TAOK3: variants seen among roughly 807,000 people sequenced by gnomAD.
TAOK3 encodes the protein serine/threonine-protein kinase TAO3.
A neutral mutation model predicts 120.4 loss-of-function variants in TAOK3; 40 were observed. That is an observed-to-expected ratio of 0.33 (90% CI 0.26 to 0.43). TAOK3 has a LOEUF of 0.43. Among genes scored for constraint, TAOK3 ranks in the 20% least tolerant of loss-of-function variants. TAOK3 has a pLI of 1.00. For synonymous variants in TAOK3, 355 were observed against 387.5 expected (o/e 0.92, Z 0.99); for missense variants, 821 against 1,112.1 (o/e 0.74, Z 3.72).
chr12:118,172,357 G>T, intron 17 of TAOK3, 100 bp downstream of exon 17: 1 of 1,299,986 alleles, frequency 7.7e-7, no homozygotes, highest in Non-Finnish European at 1.1e-6. Flanking sequence ...AGGCTAGAAA[G>T]GCTAGGGATA....
Position 118,218,022 on chromosome 12 carries a change from G to T in TAOK3, c.644-3912C>A, listed in dbSNP as rs918236460. Among the ~76,000 whole-genome samples, 4 of 150,330 alleles carry T rather than the reference G, an allele frequency of 2.7e-5. No individual in the cohort carries two copies. The East Asian group carries it at 7.9e-4, about 30-fold the overall frequency. Reference sequence around the variant, plus strand: ...CTACAGGCGCATGCCACCACGCCTCGCTAATTTTTTTGTATTTTTAGTAGA... The same window carrying T: ...CTACAGGCGCATGCCACCACGCCTCTCTAATTTTTTTGTATTTTTAGTAGA... On this transcript the variant is annotated intron_variant, in intron 9 of 20. Transcript: ENST00000392533.
intron 9 of TAOK3, among the ~76,000 whole-genome samples, chr12:118,232,762 A>T (rs1236214481): frequency 6.6e-6 from 1 of 152,064 alleles, no homozygotes; most frequent in Non-Finnish European, 1.5e-5. Flanking sequence ...AAAATTAGCC[A>T]GCCTTGGTGG....
chr12:118,300,895 A>C (rs494005), intron 1 of TAOK3, among the ~76,000 whole-genome samples: 79,229 of 151,674 alleles, frequency 0.52, 21,150 homozygotes, highest in Middle Eastern at 0.63. Context: ...CCTGCCTCAG[A>C]CTCTCAAGTA....
chr12:118,200,493 C>T (rs1349105449), intron 12 of TAOK3: 1 of 152,092 alleles, frequency 6.6e-6, no homozygotes, highest in Non-Finnish European at 1.5e-5. Flanking sequence ...TTTTTCCTGT[C>T]TCCCTCTTAT....
chr12:118,205,489 T>A (rs12314873), intron 11 of TAOK3, among the ~76,000 whole-genome samples: 1,723 of 152,222 alleles, frequency 0.011, 29 homozygotes, highest in African/African-American at 0.039. Context: ...GCTTTAAAAA[T>A]TTTTTTCTGC....
At chr12:118,293,528 A>C (rs2042560105) in intron 1 of TAOK3, among the ~76,000 whole-genome samples, 1 of 152,056 alleles carries the variant, frequency 6.6e-6, no homozygotes, top group South Asian at 2.1e-4. Context: ...ATAAAAAATT[A>C]GCTGGGCGTG....
chr12:118,325,980 T>A (rs2043921272), intron 1 of TAOK3, among the ~76,000 whole-genome samples: 1 of 152,182 alleles, frequency 6.6e-6, no homozygotes, highest in Non-Finnish European at 1.5e-5. Context: ...GCACCCAGCC[T>A]GTCTCTTCAC....
intron 17 of TAOK3, among the ~76,000 whole-genome samples, chr12:118,171,695 T>A (rs1202912853): frequency 6.6e-6 from 1 of 152,202 alleles, no homozygotes; most frequent in Non-Finnish European, 1.5e-5. Context: ...TGTCTCATCA[T>A]GTCATTACCC....
intron 1 of TAOK3, among the ~76,000 whole-genome samples, chr12:118,280,624 GTAA>G (rs1395722291): frequency 6.6e-6 from 1 of 152,176 alleles, no homozygotes. Context: ...CTCGTAACAG[GTAA>G]TGTGATGCTT....
intron 1 of TAOK3, among the ~76,000 whole-genome samples, chr12:118,344,432 C>G (rs551662615): frequency 1.3e-5 from 2 of 152,058 alleles, no homozygotes; most frequent in African/African-American, 2.4e-5. Flanking sequence ...TCTTGCCTGG[C>G]TCACAGGGGA....
At chr12:118,207,557 T>C (rs2038390509) in intron 11 of TAOK3, among the ~76,000 whole-genome samples, 1 of 151,696 alleles carries the variant, frequency 6.6e-6, no homozygotes, top group African/African-American at 2.4e-5. Context: ...AGAGACTGAA[T>C]TAAAACGATT....
intron 2 of TAOK3, among the ~76,000 whole-genome samples, chr12:118,259,821 G>T (rs893252049): frequency 1.3e-5 from 2 of 152,118 alleles, no homozygotes; most frequent in African/African-American, 4.8e-5. Flanking sequence ...GTGTCAAATA[G>T]AAGAGAGCAG....
At chr12:118,177,422 G>C in intron 15 of TAOK3, 93 bp from the exon 16 acceptor site, 2 of 913,078 alleles carry the variant, frequency 2.2e-6, no homozygotes, top group African/African-American at 1.7e-5. Context: ...CAGTCCATGA[G>C]TGCTAATAAT....
chr12:118,249,005 A>G (rs1326511200), intron 3 of TAOK3, among the ~76,000 whole-genome samples: 1 of 152,210 alleles, frequency 6.6e-6, no homozygotes, highest in Non-Finnish European at 1.5e-5. Context: ...TTAGTACAGA[A>G]AAAGGAGAGT....
chr12:118,215,243 C>A (rs1419355084), intron 9 of TAOK3, among the ~76,000 whole-genome samples: 1 of 144,696 alleles, frequency 6.9e-6, no homozygotes, highest in Non-Finnish European at 1.5e-5. Flanking sequence ...CGCCTGTAAT[C>A]CCAGCACTTT....
At chr12:118,181,156 T>C (rs527779572) in intron 15 of TAOK3, among the ~76,000 whole-genome samples, 1 of 152,294 alleles carries the variant, frequency 6.6e-6, no homozygotes, top group Admixed American at 6.5e-5. Flanking sequence ...CAGAATATAT[T>C]TGAATGGACA....
At chr12:118,240,707 G>C (rs1197861250) in intron 5 of TAOK3, among the ~76,000 whole-genome samples, 1 of 151,960 alleles carries the variant, frequency 6.6e-6, no homozygotes, top group African/African-American at 2.4e-5. Context: ...AAAACTATCA[G>C]GGTTCAGCAA....
intron 1 of TAOK3, among the ~76,000 whole-genome samples, chr12:118,350,389 T>C (rs1225030608): frequency 6.6e-6 from 1 of 152,164 alleles, no homozygotes; most frequent in African/African-American, 2.4e-5. Context: ...GTAAAGTCTA[T>C]GTAAGAATAT....
At chr12:118,279,051 C>G (rs2042001677) in intron 1 of TAOK3, among the ~76,000 whole-genome samples, 1 of 152,164 alleles carries the variant, frequency 6.6e-6, no homozygotes. Flanking sequence ...TTGATCACCA[C>G]AGGTGATCTG....
Sources: allele counts gnomAD v4.1 joint callset (sites outside exome capture counted in the v4.1 genomes callset), GRCh38; gene constraint gnomAD v4.1.1; transcripts MANE v1.5; gene names NCBI Gene and HGNC (gene_info 2026-07-23, HGNC 2026-07-21).